LRRFIP2: variants seen among roughly 807,000 people sequenced by gnomAD.
LRRFIP2 encodes the protein LRR binding FLII interacting protein 2.
LRRFIP2 carries 109 observed loss-of-function variants against 125.9 expected under a neutral mutation model. The ratio of observed to expected loss-of-function variants is 0.87; its 90% confidence interval spans 0.74 to 1.01. The LOEUF is 1.01. Among genes scored for constraint, LRRFIP2 ranks in the 50% least tolerant of loss-of-function variants. The pLI is 0.00. For synonymous variants in LRRFIP2, 291 were observed against 293.1 expected, an observed-to-expected ratio of 0.99 and a Z score of 0.07; for missense variants, 850 against 862.3, an observed-to-expected ratio of 0.99 and a Z score of 0.18.
chr3:37,070,359 C>A (rs899133474), intron 21 of LRRFIP2, among the ~76,000 whole-genome samples: 2 of 151,810 alleles, frequency 1.3e-5, no homozygotes, highest in East Asian at 3.9e-4. Flanking sequence ...AGGGATCCAC[C>A]CTCTTTGGCC....
chr3:37,121,841 C>CGTGTGTGTGTGTGTGTGTGTGTGTGT (rs60540567), intron 4 of LRRFIP2, 150 bp from the exon 5 acceptor site: 1 of 496,802 alleles, frequency 2.0e-6, no homozygotes, highest in African/African-American at 2.1e-5. Context: ...CAGCCACATT[C>CGTGTGTGTGTGTGTGTGTGTGTGTGT]GTGTGTGTGT....
rs149817415 is a variant in LRRFIP2 at position 37,054,509 on chromosome 3, G to C, written c.1957C>G (p.Arg653Gly). The change falls in exon 27 of 28, where the codon CGG (arginine) becomes GGG (glycine). Residue 653 changes from arginine (R) to glycine (G), a missense_variant. Arg to Gly is a moderately radical substitution (Grantham distance 125). Transcript: ENST00000336686. ...TATCTCAGAACCTGTCCCTCAAGCC[G>C]GCTAATCTGTAAGTATGAGAACATA... ...DITTLEQSIS[R>G]LEGQVLRYKT... 1 of 1,612,642 alleles carries C rather than the reference G, an allele frequency of 6.2e-7. No homozygotes were observed. The highest frequency in any genetic ancestry group is 2.2e-5 in the East Asian group (1 of 44,848).
intron 4 of LRRFIP2, among the ~76,000 whole-genome samples, chr3:37,124,703 A>G: frequency 6.6e-6 from 1 of 152,218 alleles, no homozygotes; most frequent in Non-Finnish European, 1.5e-5. Context: ...CTGTAAAGAT[A>G]ACATCCTATA....
chr3:37,083,616 A>G lies in LRRFIP2; in HGVS notation c.1278+20T>C. ...GGCTTTTATTTTCTGCCCCAAGAGA[A>G]AATACAAGATAAGCATTACCTTTGA... On this transcript the variant is annotated intron_variant, in intron 19 of 27. Transcript: ENST00000336686. The G allele has an allele frequency of 6.6e-7, 1 of 1,521,902 alleles. No homozygotes were observed. Among genetic ancestry groups the G allele is most frequent in the South Asian group, 1.3e-5 (1 of 77,158 alleles). 94.3% of individuals were successfully genotyped at this position (1,521,902 alleles called of 1,614,324 possible). A position where few individuals can be genotyped will look rare whatever the true frequency, so the allele number is the denominator to read the frequency against.
At chr3:37,122,244 A>T (rs961876291) in intron 4 of LRRFIP2, among the ~76,000 whole-genome samples, 4 of 152,010 alleles carry the variant, frequency 2.6e-5, no homozygotes, top group Admixed American at 6.6e-5. Context: ...AAAGGACATG[A>T]ACTCATCCTT....
intron 2 of LRRFIP2, among the ~76,000 whole-genome samples, chr3:37,139,669 A>T (rs1363356140): frequency 6.6e-6 from 1 of 151,530 alleles, no homozygotes; most frequent in Admixed American, 6.6e-5. Context: ...ACACATACAC[A>T]CCCTCCATTT....
At chr3:37,169,943 CTT>C (rs1247459111) in intron 1 of LRRFIP2, among the ~76,000 whole-genome samples, 1 of 152,026 alleles carries the variant, frequency 6.6e-6, no homozygotes, top group Non-Finnish European at 1.5e-5. Flanking sequence ...CTTTTTATTT[CTT>C]TTCTTTTTCT....
intron 1 of LRRFIP2, among the ~76,000 whole-genome samples, chr3:37,151,562 C>A (rs1458678195): frequency 6.6e-6 from 1 of 151,742 alleles, no homozygotes; most frequent in East Asian, 1.9e-4. Flanking sequence ...CTAGTACAAC[C>A]ACTATGGAAA....
chr3:37,171,897 A>G (rs1053581265), intron 1 of LRRFIP2, among the ~76,000 whole-genome samples: 2 of 152,228 alleles, frequency 1.3e-5, no homozygotes, highest in African/African-American at 4.8e-5. Flanking sequence ...ATGCTTCTAT[A>G]TGACAGTACC....
At chr3:37,100,950 T>A (rs1012855422) in intron 15 of LRRFIP2, among the ~76,000 whole-genome samples, 4 of 152,198 alleles carry the variant, frequency 2.6e-5, no homozygotes, top group Non-Finnish European at 5.9e-5. Flanking sequence ...GAACCACACA[T>A]AAAATTATCT....
intron 2 of LRRFIP2, chr3:37,135,202 T>C: frequency 1.2e-6 from 1 of 800,096 alleles, no homozygotes; most frequent in East Asian, 2.7e-5. Flanking sequence ...GGCTCACACC[T>C]GTAATCCTAG....
Position 37,056,186 on chromosome 3 carries a change from A to G in LRRFIP2, c.1871-1021T>C, listed in dbSNP as rs74583951. 6.5e-3 allele frequency among the ~76,000 whole-genome samples: 990 copies of G among 152,330 alleles called. 8 individuals are homozygous for G. The highest frequency in any genetic ancestry group is 0.022 in the African/African-American group (934 of 41,566). ...GTGATAATGTGTTATGGGTAGAGCT[A>G]TAAGTTACTAGATGAACATCTGACC... On this transcript the variant is annotated intron_variant, in intron 25 of 27. Transcript: ENST00000336686.
Position 37,112,936 on chromosome 3 carries a change from A to G in LRRFIP2, c.417T>C (p.Ser139=). The part of the protein sequence containing the change: ...SHSHGMKKRS[S]DSHKDLLSGL... ...TAACCAGTAGGTCTTTATGAGAATCAGAAGACCTCTTCTTCATTCCATGAG... is the reference window on the plus strand; with the variant it reads ...TAACCAGTAGGTCTTTATGAGAATCGGAAGACCTCTTCTTCATTCCATGAG... Residue 139 remains serine (S), a synonymous_variant, in exon 8 of 28, where the codon TCT becomes TCC. Coordinates refer to ENST00000336686, the MANE Select transcript of LRRFIP2 (RefSeq NM_006309.4). 1 of 1,581,786 alleles carries G rather than the reference A, an allele frequency of 6.3e-7. No homozygotes were observed. Among genetic ancestry groups the G allele is most frequent in the Non-Finnish European group, 8.7e-7 (1 of 1,154,890 alleles).
intron 2 of LRRFIP2, among the ~76,000 whole-genome samples, chr3:37,147,915 T>C (rs1015007812): frequency 1.2e-4 from 18 of 152,184 alleles, no homozygotes; most frequent in African/African-American, 1.7e-4. Context: ...TTTTCTTTTT[T>C]CTGAGTTACA....
rs1479496925 is a variant in LRRFIP2, at chr3:37,161,180, A to G, written c.-55-12142T>C. On this transcript the variant is annotated intron_variant, in intron 1 of 27. Coordinates refer to ENST00000336686, the MANE Select transcript of LRRFIP2 (RefSeq NM_006309.4). ...TCAACATGGTGAAACCCCATCTACT[A>G]AAAAAAAAAAAAAAAAAAAGCAAAG... Among the ~76,000 whole-genome samples the G allele has an allele frequency of 5.6e-5, 3 of 53,990 alleles. No individual in the cohort carries two copies. In the Admixed American group the frequency reaches 5.9e-4, roughly 11 times the overall value. The allele number at this position is 53,990 out of a possible 152,430, so 35.4% of individuals were successfully genotyped here. A position where few individuals can be genotyped will look rare whatever the true frequency, so the allele number is the denominator to read the frequency against.
intron 19 of LRRFIP2, among the ~76,000 whole-genome samples, chr3:37,078,400 T>C (rs2092317030): frequency 6.6e-6 from 1 of 152,176 alleles, no homozygotes; most frequent in African/African-American, 2.4e-5. Context: ...GTGTTAATGT[T>C]GGTATTGCTA....
intron 6 of LRRFIP2, 38 bp downstream of exon 6, chr3:37,121,454 G>A (rs750835877): frequency 3.5e-5 from 55 of 1,591,730 alleles, no homozygotes; most frequent in Admixed American, 1.8e-4. Flanking sequence ...AAGCTCACAC[G>A]TAAGCTTTGT....
chr3:37,105,692 G>A (rs892980750), intron 13 of LRRFIP2, among the ~76,000 whole-genome samples, 169 bp from the exon 14 acceptor site: 4 of 152,098 alleles, frequency 2.6e-5, no homozygotes, highest in Non-Finnish European at 4.4e-5. Context: ...CTGGTACAAG[G>A]CATAATAAAC....
intron 9 of LRRFIP2, among the ~76,000 whole-genome samples, chr3:37,110,389 C>T (rs2094506222): frequency 6.6e-6 from 1 of 152,148 alleles, no homozygotes; most frequent in African/African-American, 2.4e-5. Flanking sequence ...AATAAGAGTA[C>T]TTAAGTTGCG....
Sources: allele counts gnomAD v4.1 joint callset (sites outside exome capture counted in the v4.1 genomes callset), GRCh38; gene constraint gnomAD v4.1.1; transcripts MANE v1.5; gene names NCBI Gene and HGNC (gene_info 2026-07-23, HGNC 2026-07-21).